The following DIP2C variants were observed in gnomAD, a reference collection of about 807,000 sequenced individuals.
DIP2C encodes the protein disco-interacting protein 2 homolog C.
Under a neutral mutation model 192.4 loss-of-function variants are expected in DIP2C, and 33 were observed. The ratio of observed to expected loss-of-function variants is 0.17; its 90% CI spans 0.13 to 0.23. The LOEUF is 0.23. Among genes scored for constraint, DIP2C ranks in the 10% least tolerant of loss-of-function variants. DIP2C has a pLI of 1.00. For missense variants in DIP2C, 1,537 were observed against 2,110.1 expected, an observed-to-expected ratio of 0.73 and a Z score of 5.32; for synonymous variants, 979 against 864.1, an observed-to-expected ratio of 1.13 and a Z score of -2.33.
chr10:514,676 A>C (rs147726517), intron 1 of DIP2C, among the ~76,000 whole-genome samples: 2,051 of 152,148 alleles, frequency 0.013, 21 homozygotes, highest in Non-Finnish European at 0.021. Flanking sequence ...CCAACACCGT[A>C]TTTCCTCATG....
At chr10:365,172 T>G (rs958362305) in intron 19 of DIP2C, among the ~76,000 whole-genome samples, 3 of 152,190 alleles carry the variant, frequency 2.0e-5, no homozygotes, top group Non-Finnish European at 4.4e-5. Context: ...TTTTAGAAAG[T>G]TGAATTCACA....
At chr10:548,280 C>T (rs958490566) in intron 1 of DIP2C, among the ~76,000 whole-genome samples, 2 of 135,734 alleles carry the variant, frequency 1.5e-5, no homozygotes, top group Non-Finnish European at 3.1e-5. Flanking sequence ...AGCTTGGTGC[C>T]CTCTCTGGAG....
intron 1 of DIP2C, among the ~76,000 whole-genome samples, chr10:586,915 G>C (rs552038138): frequency 1.3e-5 from 2 of 151,992 alleles, no homozygotes; most frequent in East Asian, 3.9e-4. Context: ...CAGACCACGT[G>C]GGTCCCCACT....
chr10:337,844 G>A (rs1383518129), intron 29 of DIP2C, among the ~76,000 whole-genome samples: 2 of 44,380 alleles, frequency 4.5e-5, no homozygotes, highest in Non-Finnish European at 9.5e-5. Flanking sequence ...GTGTTGTGGA[G>A]GCCTAGGTTG....
At chr10:552,966 T>A (rs1848659120) in intron 1 of DIP2C, among the ~76,000 whole-genome samples, 1 of 152,246 alleles carries the variant, frequency 6.6e-6, no homozygotes, top group Admixed American at 6.5e-5. Context: ...GCTCAGCAGA[T>A]GAGGGAGGGG....
chr10:555,714 C>G (rs1370125097), intron 1 of DIP2C, among the ~76,000 whole-genome samples: 1 of 152,158 alleles, frequency 6.6e-6, no homozygotes, highest in Non-Finnish European at 1.5e-5. Context: ...ATCAGAGAAT[C>G]TAAAGGCAGG....
intron 17 of DIP2C, among the ~76,000 whole-genome samples, chr10:371,995 G>A (rs1961017008): frequency 6.6e-6 from 1 of 152,062 alleles, no homozygotes; most frequent in Non-Finnish European, 1.5e-5. Context: ...GACCTGCCGG[G>A]CAAGGGCCGG....
At chr10:423,906 T>C (rs1226358454) in intron 4 of DIP2C, among the ~76,000 whole-genome samples, 1 of 152,218 alleles carries the variant, frequency 6.6e-6, no homozygotes, top group Non-Finnish European at 1.5e-5. Flanking sequence ...CTTTACAGTA[T>C]TTGTTTCTTA....
rs184354906 is a variant in DIP2C at position 484,447 on chromosome 10, G to T, written c.157+2012C>A. On this transcript the variant is annotated intron_variant, in intron 2 of 36. Transcript: ENST00000280886. ...TTAATTGGGTCTTTGGCTATAAGATGAAAGTCTGTAGAATACCAGTGGCTT... is the reference window on the plus strand; with the variant it reads ...TTAATTGGGTCTTTGGCTATAAGATTAAAGTCTGTAGAATACCAGTGGCTT... Among the ~76,000 whole-genome samples the T allele has an allele frequency of 2.0e-3, 312 of 152,342 alleles. 1 individual carries two copies. The highest frequency in any genetic ancestry group is 3.4e-3 in the Non-Finnish European group (228 of 68,032).
intron 29 of DIP2C, among the ~76,000 whole-genome samples, chr10:336,733 C>T (rs1033916522): frequency 2.6e-5 from 4 of 152,186 alleles, no homozygotes; most frequent in Non-Finnish European, 5.9e-5. Flanking sequence ...GATCATGGCT[C>T]CGTCTGCGTC....
chr10:280,090 A>T (rs1036799989), intron 36 of DIP2C, among the ~76,000 whole-genome samples: 1 of 152,010 alleles, frequency 6.6e-6, no homozygotes, highest in Non-Finnish European at 1.5e-5. Context: ...CAAGGAGAGA[A>T]GTGTCAAGGA....
At chr10:540,713 C>T (rs975083306) in intron 1 of DIP2C, among the ~76,000 whole-genome samples, 6 of 152,168 alleles carry the variant, frequency 3.9e-5, no homozygotes, top group Non-Finnish European at 7.3e-5. Context: ...AATTTTACCA[C>T]AATAAAAAGA....
At chr10:385,898 C>G (rs966808848) in intron 14 of DIP2C, among the ~76,000 whole-genome samples, 1 of 152,104 alleles carries the variant, frequency 6.6e-6, no homozygotes, top group Non-Finnish European at 1.5e-5. Context: ...AGAGCTCTGC[C>G]GACTCCCCGC....
intron 1 of DIP2C, among the ~76,000 whole-genome samples, chr10:619,407 T>C (rs1853690948): frequency 6.6e-6 from 1 of 152,148 alleles, no homozygotes; most frequent in South Asian, 2.1e-4. Context: ...CTCTAGAGGC[T>C]TCCGCATCCC....
intron 32 of DIP2C, among the ~76,000 whole-genome samples, chr10:307,592 G>C (rs11251599): frequency 1.3e-5 from 2 of 151,930 alleles, no homozygotes; most frequent in Admixed American, 6.5e-5. Context: ...TCTCTGCAGT[G>C]GGGGGGTAAG....
rs570853783 is a variant in DIP2C at position 321,342 on chromosome 10, C to T, written c.3924+5664G>A. On this transcript the variant is annotated intron_variant, in intron 31 of 36. Coordinates refer to ENST00000280886, the MANE Select transcript of DIP2C (RefSeq NM_014974.3). ...ATGAACTGTGCAGCTCAGCCTTCCC[C>T]GAAGACCAGGACCCCCTCTGACCGT... is the stretch of plus-strand genomic sequence containing the variant. Among the ~76,000 whole-genome samples, 48 of 152,356 alleles carry T rather than the reference C, an allele frequency of 3.2e-4. 1 individual carries two copies. The highest frequency in any genetic ancestry group is 1.9e-3 in the South Asian group (9 of 4,826).
At chr10:362,440 G>GC in intron 22 of DIP2C, 50 bp downstream of exon 22, 1 of 1,593,038 alleles carries the variant, frequency 6.3e-7, no homozygotes, top group South Asian at 1.1e-5. Context: ...GTGCCGTGCA[G>GC]CCCCAAGGGA....
intron 1 of DIP2C, among the ~76,000 whole-genome samples, chr10:568,793 A>AC (rs1849604227): frequency 8.7e-6 from 1 of 114,754 alleles, no homozygotes; most frequent in Non-Finnish European, 1.8e-5. Context: ...AAAAAAAAAA[A>AC]AAAAACCTTC....
intron 1 of DIP2C, among the ~76,000 whole-genome samples, chr10:585,705 T>C (rs1213520700): frequency 2.0e-5 from 3 of 152,130 alleles, no homozygotes; most frequent in African/African-American, 4.8e-5. Flanking sequence ...CACTCTGCTC[T>C]CTACTGCCAC....
Sources: allele counts gnomAD v4.1 joint callset (sites outside exome capture counted in the v4.1 genomes callset), GRCh38; gene constraint gnomAD v4.1.1; transcripts MANE v1.5; gene names NCBI Gene and HGNC (gene_info 2026-07-23, HGNC 2026-07-21).